DGKG: variants seen among roughly 807,000 people sequenced by gnomAD.
The protein encoded by DGKG is DAG kinase gamma.
DGKG carries 78 observed loss-of-function variants against 105.3 expected under a neutral mutation model. That is an observed-to-expected ratio of 0.74 (90% CI 0.62 to 0.89). DGKG has a LOEUF of 0.89. Among genes scored for constraint, DGKG ranks in the 40% least tolerant of loss-of-function variants. The pLI is 0.00. For missense variants in DGKG, 958 were observed against 1,020.1 expected, an observed-to-expected ratio of 0.94 and a Z score of 0.83; for synonymous variants, 346 against 367.1, an observed-to-expected ratio of 0.94 and a Z score of 0.66.
At chr3:186,180,931 A>G (rs1359333782) in intron 22 of DGKG, among the ~76,000 whole-genome samples, 2 of 152,220 alleles carry the variant, frequency 1.3e-5, no homozygotes, top group Admixed American at 6.5e-5. Context: ...GAGCCAAGGT[A>G]TTGCCCTTCC....
chr3:186,295,001 C>G (rs1723481728), intron 5 of DGKG, among the ~76,000 whole-genome samples: 1 of 152,172 alleles, frequency 6.6e-6, no homozygotes, highest in African/African-American at 2.4e-5. Context: ...CCCAACCATG[C>G]TCTGCTTTCC....
At chr3:186,253,624 A>G (rs1302418310) in intron 17 of DGKG, among the ~76,000 whole-genome samples, 2 of 152,328 alleles carry the variant, frequency 1.3e-5, no homozygotes, top group East Asian at 3.9e-4. Context: ...AAAGTAGTCT[A>G]CAACCATTCT....
chr3:186,355,531 AC>A (rs1196191884), intron 1 of DGKG, among the ~76,000 whole-genome samples: 2 of 149,948 alleles, frequency 1.3e-5, no homozygotes, highest in Non-Finnish European at 3.0e-5. Flanking sequence ...TGCCACTACC[AC>A]CATCACCACT....
intron 2 of DGKG, among the ~76,000 whole-genome samples, chr3:186,309,022 G>T (rs1724390186): frequency 6.6e-6 from 1 of 152,204 alleles, no homozygotes; most frequent in Non-Finnish European, 1.5e-5. Flanking sequence ...AAAGTGTATG[G>T]TCTTTTCCCT....
chr3:186,259,668 GC>G (rs1721658723), intron 16 of DGKG, among the ~76,000 whole-genome samples: 1 of 152,156 alleles, frequency 6.6e-6, no homozygotes, highest in South Asian at 2.1e-4. Flanking sequence ...GGCAAGCCCA[GC>G]CCAGAGTATG....
chr3:186,309,221 G>T (rs1724400247), intron 2 of DGKG, among the ~76,000 whole-genome samples: 1 of 151,946 alleles, frequency 6.6e-6, no homozygotes, highest in Admixed American at 6.5e-5. Flanking sequence ...GAGGCATAAA[G>T]AATTGGGTAA....
At chr3:186,197,463 A>G (rs1158228374) in intron 21 of DGKG, among the ~76,000 whole-genome samples, 2 of 152,166 alleles carry the variant, frequency 1.3e-5, no homozygotes, top group African/African-American at 2.4e-5. Flanking sequence ...GGACACTGGC[A>G]GGAAATAGGG....
chr3:186,217,174 C>T (rs1387683576), intron 20 of DGKG, among the ~76,000 whole-genome samples: 1 of 152,126 alleles, frequency 6.6e-6, no homozygotes, highest in Non-Finnish European at 1.5e-5. Flanking sequence ...TCGTAGGTGG[C>T]CCATATTTTT....
chr3:186,310,288 AAC>A (rs1203262122), intron 2 of DGKG, among the ~76,000 whole-genome samples: 10 of 148,190 alleles, frequency 6.7e-5, no homozygotes, highest in African/African-American at 2.0e-4. Flanking sequence ...AAAAAAAAAA[AAC>A]CACACACACA....
chr3:186,190,434 C>G (rs1269101911), intron 21 of DGKG, among the ~76,000 whole-genome samples: 1 of 152,188 alleles, frequency 6.6e-6, no homozygotes, highest in Non-Finnish European at 1.5e-5. Flanking sequence ...TTTTATGATA[C>G]TATCATGCCC....
intron 1 of DGKG, among the ~76,000 whole-genome samples, chr3:186,324,420 G>A (rs1376658221): frequency 6.6e-6 from 1 of 151,544 alleles, no homozygotes; most frequent in Non-Finnish European, 1.5e-5. Context: ...TCCCCACCTG[G>A]TGCAATGCCT....
chr3:186,165,190 T>C (rs981049430), intron 22 of DGKG, among the ~76,000 whole-genome samples, 172 bp from the exon 23 acceptor site: 1 of 152,230 alleles, frequency 6.6e-6, no homozygotes, highest in African/African-American at 2.4e-5. Flanking sequence ...TCAATAAATG[T>C]ACCTTTTCAT....
rs1432598245 is a variant in DGKG at position 186,226,967 on chromosome 3, T to C, written c.1827-15082A>G. ...GGGAAAATGCCTTCTTAGTAAAATA[T>C]GAAGTGGTAAGCACCTCCTAACCCC... On this transcript the variant is annotated intron_variant, in intron 20 of 24. Transcript: ENST00000265022. This position sits in a 1 kb window ranked among gnomAD's most constrained non-coding sequence, Gnocchi z 4.2. Among the ~76,000 whole-genome samples the C allele has an allele frequency of 6.6e-6, 1 of 152,210 alleles. No individual in the cohort carries two copies. The highest frequency in any genetic ancestry group is 1.5e-5 in the Non-Finnish European group (1 of 68,042).
chr3:186,257,166 C>T (rs1012151863), intron 17 of DGKG, among the ~76,000 whole-genome samples: 4 of 152,210 alleles, frequency 2.6e-5, no homozygotes, highest in African/African-American at 4.8e-5. Context: ...CTCCCCCGGC[C>T]GCTTTCTTGT....
rs763168875 is a variant in DGKG at position 186,267,758 on chromosome 3, A to G, written c.1136T>C (p.Leu379Ser). The change falls in exon 13 of 25, where the codon TTA becomes TCA. Residue 379 changes from leucine to serine, a missense_variant. Transcript: ENST00000265022. ...TTCCCCACCGTCACACAACGTTGAT[A>G]ATTCACATTTGCGGTGAAACTGGGG... ...CRMTFHRKCE[L>S]STLCDGGELR... 21 of 1,613,904 alleles carry G rather than the reference A, an allele frequency of 1.3e-5. No individual in the cohort carries two copies. Among genetic ancestry groups the G allele is most frequent in the Non-Finnish European group, 1.8e-5 (21 of 1,179,924 alleles).
At chr3:186,173,921 CCAA>C (rs767707947) in intron 22 of DGKG, among the ~76,000 whole-genome samples, 4 of 152,188 alleles carry the variant, frequency 2.6e-5, no homozygotes, top group Non-Finnish European at 4.4e-5. Context: ...TTCAGGCATC[CCAA>C]CCATAACTAA....
At chr3:186,167,442 C>T (rs1222892908) in intron 22 of DGKG, among the ~76,000 whole-genome samples, 1 of 152,194 alleles carries the variant, frequency 6.6e-6, no homozygotes. Flanking sequence ...CAACCCACCG[C>T]TTCCATTTTT....
At chr3:186,311,027 C>G (rs1476506199) in intron 2 of DGKG, among the ~76,000 whole-genome samples, 1 of 152,198 alleles carries the variant, frequency 6.6e-6, no homozygotes, top group Non-Finnish European at 1.5e-5. Context: ...GATACTTGAA[C>G]ACTGGTAAGT....
intron 19 of DGKG, among the ~76,000 whole-genome samples, chr3:186,245,254 G>A (rs923499281): frequency 4.6e-5 from 7 of 152,160 alleles, no homozygotes; most frequent in East Asian, 3.9e-4. Context: ...AGTGAAGCAC[G>A]TGGTCCCTAA....
Sources: gnomAD v4.1 joint callset for allele counts (sites outside exome capture counted in the v4.1 genomes callset) on GRCh38, gnomAD v4.1.1 for gene constraint, Gnocchi (gnomAD v3.1) non-coding constraint, MANE v1.5 for transcripts, NCBI Gene and HGNC (gene_info 2026-07-23, HGNC 2026-07-21) for gene names.